ZNF644: variants seen among roughly 807,000 people sequenced by gnomAD.
ZNF644 encodes the protein zinc finger motif enhancer binding protein 2.
In ZNF644, 20 loss-of-function variants were observed where a neutral mutation model predicts 108.0. That is an observed-to-expected ratio of 0.19 (90% confidence interval 0.13 to 0.27). The LOEUF (loss-of-function observed/expected upper bound fraction) is 0.27, where lower values mean the gene tolerates loss of function less well. Ranked by LOEUF, ZNF644 falls within the 10% of genes least tolerant of loss-of-function variation. ZNF644 has a pLI of 1.00. For synonymous variants in ZNF644, 542 were observed against 539.1 expected (o/e 1.01, Z -0.08); for missense variants, 1,338 against 1,548.9 (o/e 0.86, Z 2.29).
chr1:90,926,331 AC>A (rs1404250936), intron 4 of ZNF644, among the ~76,000 whole-genome samples: 8 of 152,042 alleles, frequency 5.3e-5, no homozygotes, highest in South Asian at 2.1e-4. Context: ...GCTTGTGTGC[AC>A]CCCCTCATGA....
In ZNF644 at chr1:90,916,561, T is replaced by A. The variant is rs1177317207; in HGVS notation, c.*237A>T. 5.7e-6 allele frequency: 3 copies of A among 522,212 alleles called. No homozygotes were observed. The highest frequency in any genetic ancestry group is 5.7e-5 in the African/African-American group (3 of 52,226). The allele number at this position is 522,212 out of a possible 1,614,324, so 32.3% of individuals were successfully genotyped here. ...TTACATGTACTGCTCTTTTACTGAGTGAACACAGTTAACCAACAAAACTTC... is the reference window on the plus strand; with the variant it reads ...TTACATGTACTGCTCTTTTACTGAGAGAACACAGTTAACCAACAAAACTTC... On this transcript the variant is annotated 3_prime_UTR_variant, in exon 6 of 6. Transcript: ENST00000337393.
At chr1:90,956,526 T>C (rs1459715705) in intron 2 of ZNF644, among the ~76,000 whole-genome samples, 1 of 152,064 alleles carries the variant, frequency 6.6e-6, no homozygotes, top group Non-Finnish European at 1.5e-5. Flanking sequence ...CTAATACTTA[T>C]AGGATGCAGC....
At chr1:90,928,725 G>A (rs1369045776) in intron 4 of ZNF644, among the ~76,000 whole-genome samples, 1 of 152,060 alleles carries the variant, frequency 6.6e-6, no homozygotes, top group Admixed American at 6.6e-5. Context: ...CCAAACATCT[G>A]TAACCAAATC....
Position 90,937,955 on chromosome 1 carries a change from T to A in ZNF644, c.3218A>T (p.Lys1073Ile). 6.2e-7 allele frequency: 1 copy of A among 1,613,224 alleles called. No homozygotes were observed. The highest frequency in any genetic ancestry group is 8.5e-7 in the Non-Finnish European group (1 of 1,179,876). ...CTCATTCAGAACACAGATTGGAGAT[T>A]TGTGAGCATCCCATTTCGTCTTTCC... is the stretch of plus-strand genomic sequence containing the variant. ...RLGKTKWDAH[K>I]SPICVLNEMM... is the part of the protein sequence containing the mutation. Residue 1073 changes from lysine (K) to isoleucine (I), a missense_variant, in exon 4 of 6, where the codon AAA becomes ATA. Around this residue, in one of 6 missense-constraint regions of ZNF644, gnomAD observed 287 missense variants for 310.9 expected, o/e 0.92. Transcript: ENST00000337393.
chr1:90,951,195 C>A (rs897862194), intron 2 of ZNF644, among the ~76,000 whole-genome samples: 1 of 152,160 alleles, frequency 6.6e-6, no homozygotes, highest in African/African-American at 2.4e-5. Context: ...AAGGACAGAT[C>A]CTTACACACT....
intron 2 of ZNF644, among the ~76,000 whole-genome samples, chr1:90,976,925 A>AT (rs755508598): frequency 2.6e-5 from 4 of 152,176 alleles, no homozygotes; most frequent in Non-Finnish European, 4.4e-5. Context: ...AAATACCAAA[A>AT]TATGCCAATT....
intron 1 of ZNF644, 59 bp from the exon 2 acceptor site, chr1:90,982,429 A>G (rs1656644590): frequency 1.9e-6 from 2 of 1,043,434 alleles, no homozygotes; most frequent in Admixed American, 1.7e-5. Flanking sequence ...ATGAATAACC[A>G]TAGCTACAAT....
At chr1:90,975,127 T>C (rs951180498) in intron 2 of ZNF644, among the ~76,000 whole-genome samples, 4 of 152,230 alleles carry the variant, frequency 2.6e-5, no homozygotes, top group African/African-American at 4.8e-5. Flanking sequence ...AGTCATTAAA[T>C]AGACATTTAT....
At chr1:90,983,918 ACT>A (rs1656831442) in intron 1 of ZNF644, among the ~76,000 whole-genome samples, 1 of 152,086 alleles carries the variant, frequency 6.6e-6, no homozygotes. Flanking sequence ...ACAGAGCAAG[ACT>A]CTGTCTCCAA....
chr1:91,007,815 T>A (rs1422011503), intron 1 of ZNF644, among the ~76,000 whole-genome samples: 3 of 152,204 alleles, frequency 2.0e-5, no homozygotes, highest in African/African-American at 7.2e-5. Context: ...CTTGTCTTCT[T>A]CTTGAAGTAT....
chr1:90,997,225 C>A (rs1658233062), intron 1 of ZNF644, among the ~76,000 whole-genome samples: 1 of 152,138 alleles, frequency 6.6e-6, no homozygotes, highest in Admixed American at 6.5e-5. Context: ...TGAGGCTCTA[C>A]ACAAGCAGGA....
chr1:90,998,793 A>G (rs1337187314), intron 1 of ZNF644, among the ~76,000 whole-genome samples: 1 of 152,176 alleles, frequency 6.6e-6, no homozygotes, highest in Non-Finnish European at 1.5e-5. Context: ...AGAAGCTAAA[A>G]ACCTTGAAAA....
chr1:90,940,969 A>C lies in ZNF644; in HGVS notation c.385T>G (p.Ser129Ala). Residue 129 changes from serine to alanine, a missense_variant, in exon 3 of 6, where the codon TCC becomes GCC. Around this residue, in one of 6 missense-constraint regions of ZNF644, gnomAD observed 464 missense variants for 457.9 expected, o/e 1.01. Coordinates refer to ENST00000337393, the MANE Select transcript of ZNF644 (RefSeq NM_201269.3). Reference sequence around the variant, plus strand: ...GAAACACTGCCTTTATTCATATTGGAAGTCTTAGTTAAGGAGGAGTGTGAA... The same window carrying C: ...GAAACACTGCCTTTATTCATATTGGCAGTCTTAGTTAAGGAGGAGTGTGAA... ...PVSHSSLTKT[S>A]NMNKGSVSLT... is the part of the protein sequence containing the mutation. 6.2e-7 allele frequency: 1 copy of C among 1,614,074 alleles called. No homozygotes were observed. The highest frequency in any genetic ancestry group is 8.5e-7 in the Non-Finnish European group (1 of 1,179,984).
intron 1 of ZNF644, among the ~76,000 whole-genome samples, chr1:90,999,075 C>T (rs1451080809): frequency 2.6e-5 from 4 of 152,114 alleles, no homozygotes; most frequent in Non-Finnish European, 2.9e-5. Context: ...GATTGGTGTA[C>T]CTTAAAGTGA....
At position 90,941,098 on chromosome 1, in the gene ZNF644, C is replaced by T. The variant is rs1651925923; in HGVS notation, c.256G>A (p.Ala86Thr). The T allele has an allele frequency of 3.1e-6, 5 of 1,613,948 alleles. No homozygotes were observed. Among genetic ancestry groups the T allele is most frequent in the Non-Finnish European group, 4.2e-6 (5 of 1,179,954 alleles). Residue 86 changes from alanine to threonine, a missense_variant, in exon 3 of 6, where the codon GCC becomes ACC. Transcript: ENST00000337393. ...AGACTAGACTGGCCTCCACTTAAGG[C>T]GTTTTCAGATTTGTCCTTTGACAGT... ...EELSKDKSEN[A>T]LSGGQSSLFI...
rs541190149 is a variant in ZNF644, at chr1:90,973,557, A to G, written c.44+8753T>C. Among the ~76,000 whole-genome samples, 9 of 152,288 alleles carry G rather than the reference A, an allele frequency of 5.9e-5. No homozygotes were observed. In the East Asian group the frequency reaches 1.2e-3, roughly 20 times the overall value. On this transcript the variant is annotated intron_variant, in intron 2 of 5. Coordinates refer to ENST00000337393, the MANE Select transcript of ZNF644 (RefSeq NM_201269.3). Reference sequence around the variant, plus strand: ...GATAGTAAGCACTATATAAATGTTAAATAAGTCTGCATTTATCATGGTTTT... The same window carrying G: ...GATAGTAAGCACTATATAAATGTTAGATAAGTCTGCATTTATCATGGTTTT...
chr1:91,008,817 C>T (rs970067373), intron 1 of ZNF644, among the ~76,000 whole-genome samples: 1 of 152,226 alleles, frequency 6.6e-6, no homozygotes, highest in Non-Finnish European at 1.5e-5. Flanking sequence ...AATAATCGCA[C>T]AGATGAAGGT....
At chr1:90,950,341 A>G (rs541274882) in intron 2 of ZNF644, among the ~76,000 whole-genome samples, 14 of 101,824 alleles carry the variant, frequency 1.4e-4, no homozygotes, top group Non-Finnish European at 2.7e-4. Context: ...AAAGAAAAGA[A>G]AAGAAAAGAA....
intron 1 of ZNF644, among the ~76,000 whole-genome samples, chr1:90,997,574 G>A (rs79521185): frequency 0.013 from 1,928 of 152,046 alleles, 37 homozygotes; most frequent in African/African-American, 0.044. Flanking sequence ...AGGGGAGGGG[G>A]GCGGTTCCAA....
Sources: gnomAD v4.1 joint callset for allele counts (sites outside exome capture counted in the v4.1 genomes callset) on GRCh38, gnomAD v4.1.1 for gene constraint, gnomAD v4.1.1 regional missense constraint, MANE v1.5 for transcripts, NCBI Gene and HGNC (gene_info 2026-07-23, HGNC 2026-07-21) for gene names.